The following ELMO1 variants were observed in gnomAD, a reference collection of about 807,000 sequenced individuals.
ELMO1 encodes the protein engulfment and cell motility 1, also known as engulfment and cell motility protein 1.
A neutral mutation model predicts 98.9 loss-of-function variants in ELMO1; 26 were observed. The observed-to-expected ratio is 0.26, with a 90% CI of 0.19 to 0.36. The LOEUF is 0.36. ELMO1 is among the 10% of genes least tolerant of loss of function. The pLI is 1.00. For synonymous variants in ELMO1, 346 were observed against 346.0 expected (o/e 1.00, Z 0.00); for missense variants, 627 against 935.2 (o/e 0.67, Z 4.30).
intron 4 of ELMO1, among the ~76,000 whole-genome samples, chr7:37,312,126 T>C (rs1306745031): frequency 6.6e-6 from 1 of 152,232 alleles, no homozygotes; most frequent in Non-Finnish European, 1.5e-5. Context: ...GGAGGCTTGC[T>C]CTGTCACTTA....
chr7:37,283,831 A>C (rs768012484), intron 4 of ELMO1, among the ~76,000 whole-genome samples: 3 of 152,174 alleles, frequency 2.0e-5, no homozygotes, highest in Admixed American at 6.6e-5. Flanking sequence ...TGACAAGTTT[A>C]TGCACCATCC....
At chr7:37,297,636 G>A (rs1798106590) in intron 4 of ELMO1, among the ~76,000 whole-genome samples, 1 of 148,872 alleles carries the variant, frequency 6.7e-6, no homozygotes, top group Non-Finnish European at 1.5e-5. Context: ...GAGAGAGGAA[G>A]ATAAACAATT....
intron 16 of ELMO1, among the ~76,000 whole-genome samples, chr7:36,994,810 T>C (rs1476617499): frequency 6.6e-6 from 1 of 152,266 alleles, no homozygotes; most frequent in Non-Finnish European, 1.5e-5. Context: ...TTAATGAGTC[T>C]TTCTTGAATC....
intron 13 of ELMO1, among the ~76,000 whole-genome samples, chr7:37,142,433 T>C (rs1442888353): frequency 6.6e-6 from 1 of 152,238 alleles, no homozygotes; most frequent in Non-Finnish European, 1.5e-5. Flanking sequence ...GTGCTATTCT[T>C]ATCCCGGTTC....
intron 16 of ELMO1, among the ~76,000 whole-genome samples, chr7:36,940,472 T>C (rs1786934390): frequency 6.6e-6 from 1 of 152,210 alleles, no homozygotes; most frequent in African/African-American, 2.4e-5. Flanking sequence ...GAGGGTAATT[T>C]AGTGATTTAA....
rs181979521 is a variant in ELMO1 at position 37,329,297 on chromosome 7, T to A, written c.78+13316A>T. On this transcript the variant is annotated intron_variant, in intron 2 of 21. Transcript: ENST00000310758. The stretch of plus-strand genomic sequence containing the variant: ...TTATAATTGACAAACAATAACTGCA[T>A]ATTTATGGGGTATAAAGTGATATTT... Among the ~76,000 whole-genome samples the A allele has an allele frequency of 2.3e-4, 35 of 152,330 alleles. No homozygotes were observed. The East Asian group carries it at 5.8e-3, about 25-fold the overall frequency.
chr7:37,224,882 T>C lies in ELMO1; in HGVS notation c.698A>G (p.Gln233Arg). ...ITIGQLIPHLQGSDQEIQTYT... is the reference protein window; with the variant it reads ...ITIGQLIPHLRGSDQEIQTYT... ...CAGAGCATCTTGGCATGCTTACCCT[T>C]GCAGGTGTGGAATGAGCTGGCCGAT... The change falls in exon 9 of 22, where the codon CAA becomes CGA. Residue 233 changes from glutamine (Q) to arginine (R), a missense_variant. By Grantham distance (43) the Gln-to-Arg change is conservative (BLOSUM62 1). Transcript: ENST00000310758. 6.2e-7 allele frequency: 1 copy of C among 1,613,890 alleles called. No individual in the cohort carries two copies. Among genetic ancestry groups the C allele is most frequent in the Non-Finnish European group, 8.5e-7 (1 of 1,179,840 alleles).
At chr7:37,368,659 A>G (rs996819991) in intron 1 of ELMO1, among the ~76,000 whole-genome samples, 1 of 152,180 alleles carries the variant, frequency 6.6e-6, no homozygotes, top group Non-Finnish European at 1.5e-5. Flanking sequence ...CAGGCTTTTC[A>G]TCTATTCTCC....
intron 4 of ELMO1, among the ~76,000 whole-genome samples, chr7:37,305,168 A>C (rs1798546510): frequency 1.3e-5 from 2 of 152,200 alleles, no homozygotes; most frequent in Non-Finnish European, 1.5e-5. Context: ...TTATTAATGG[A>C]TCTTAGCCTA....
chr7:37,337,892 G>A (rs1800510160), intron 2 of ELMO1, among the ~76,000 whole-genome samples: 1 of 152,136 alleles, frequency 6.6e-6, no homozygotes, highest in Non-Finnish European at 1.5e-5. Context: ...CAGAGTACTA[G>A]GGAGCCAGTG....
intron 6 of ELMO1, among the ~76,000 whole-genome samples, chr7:37,254,760 C>T (rs1206157318): frequency 1.3e-5 from 2 of 152,208 alleles, no homozygotes; most frequent in African/African-American, 4.8e-5. Context: ...TGTTCTTATG[C>T]AGTGCGTGAC....
intron 8 of ELMO1, among the ~76,000 whole-genome samples, chr7:37,229,162 G>A (rs369951901): frequency 2.6e-5 from 4 of 152,236 alleles, no homozygotes; most frequent in South Asian, 2.1e-4. Flanking sequence ...AAACATTTGC[G>A]GGGTAAGCCA....
At chr7:37,354,610 C>T (rs1801418047) in intron 1 of ELMO1, among the ~76,000 whole-genome samples, 1 of 152,056 alleles carries the variant, frequency 6.6e-6, no homozygotes, top group African/African-American at 2.4e-5. Flanking sequence ...GCACACACTT[C>T]CTCCCTTGTT....
intron 4 of ELMO1, among the ~76,000 whole-genome samples, chr7:37,287,194 CA>C (rs59637350): frequency 0.11 from 11,392 of 99,748 alleles, 1,182 homozygotes; most frequent in African/African-American, 0.32. Flanking sequence ...GACTCCTTCT[CA>C]AAAAAAAAAA....
intron 13 of ELMO1, among the ~76,000 whole-genome samples, chr7:37,189,834 C>T (rs1460111561): frequency 1.3e-5 from 2 of 152,006 alleles, no homozygotes; most frequent in Admixed American, 6.6e-5. Flanking sequence ...TATGTCAGTC[C>T]CAAGCCACAA....
intron 13 of ELMO1, among the ~76,000 whole-genome samples, chr7:37,155,503 A>AATAAAAAAAAAT (rs1554427527): frequency 6.1e-5 from 8 of 131,738 alleles, no homozygotes; most frequent in South Asian, 2.4e-4. Flanking sequence ...AAAAAAAAAA[A>AATAAAAAAAAAT]AAAAAGCAGG....
chr7:37,375,604 C>T, intron 1 of ELMO1: 1 of 1,129,620 alleles, frequency 8.9e-7, no homozygotes, highest in South Asian at 1.2e-5. Flanking sequence ...AAGGATGTCC[C>T]CCATGCCTAA....
intron 15 of ELMO1, among the ~76,000 whole-genome samples, chr7:37,081,632 T>C (rs7801512): frequency 0.11 from 17,323 of 152,220 alleles, 1,157 homozygotes; most frequent in Middle Eastern, 0.21. Context: ...TTGGCTCTCA[T>C]TCCCTCTTGG....
chr7:36,929,212 T>C (rs2129082401), intron 16 of ELMO1, among the ~76,000 whole-genome samples: 1 of 152,274 alleles, frequency 6.6e-6, no homozygotes, highest in Non-Finnish European at 1.5e-5. Context: ...CTTCCTGATG[T>C]CCAGGGGCTG....
Sources: allele counts gnomAD v4.1 joint callset (sites outside exome capture counted in the v4.1 genomes callset), GRCh38; gene constraint gnomAD v4.1.1; transcripts MANE v1.5; gene names NCBI Gene and HGNC (gene_info 2026-07-23, HGNC 2026-07-21).